The following ZNF804B variants were observed in gnomAD, a reference collection of about 807,000 sequenced individuals.
ZNF804B encodes the protein zinc finger 804B.
Under a neutral mutation model 101.4 loss-of-function variants are expected in ZNF804B, and 80 were observed. The observed-to-expected ratio is 0.79, with a 90% CI of 0.66 to 0.95. The LOEUF (loss-of-function observed/expected upper bound fraction) is 0.95. ZNF804B is among the 40% of genes least tolerant of loss of function. ZNF804B has a pLI of 0.00. For missense variants in ZNF804B, 1,673 were observed against 1,561.9 expected, an observed-to-expected ratio of 1.07 and a Z score of -1.20; for synonymous variants, 622 against 558.8, an observed-to-expected ratio of 1.11 and a Z score of -1.59.
At chr7:88,980,154 A>C (rs1168108713) in intron 1 of ZNF804B, among the ~76,000 whole-genome samples, 2 of 151,690 alleles carry the variant, frequency 1.3e-5, no homozygotes, top group Non-Finnish European at 2.9e-5. Flanking sequence ...TGATTCTTTT[A>C]GGTTATTTTA....
chr7:89,092,585 G>A (rs1789910439), intron 1 of ZNF804B, among the ~76,000 whole-genome samples: 1 of 151,438 alleles, frequency 6.6e-6, no homozygotes, highest in African/African-American at 2.4e-5. Flanking sequence ...GCTAATTTGT[G>A]CATTTTTAGC....
intron 1 of ZNF804B, among the ~76,000 whole-genome samples, chr7:89,091,919 G>GT (rs199742999): frequency 3.1e-3 from 465 of 151,646 alleles, no homozygotes; most frequent in Middle Eastern, 0.01. Context: ...CTTATGCACA[G>GT]TTTTTTTTTA....
At chr7:89,014,506 C>G (rs553545152) in intron 1 of ZNF804B, among the ~76,000 whole-genome samples, 1 of 152,062 alleles carries the variant, frequency 6.6e-6, no homozygotes, top group Non-Finnish European at 1.5e-5. Flanking sequence ...TTAGTAGAGA[C>G]GGGGTTTCAC....
chr7:89,248,487 GA>G (rs1160962625), intron 2 of ZNF804B, among the ~76,000 whole-genome samples: 1 of 81,286 alleles, frequency 1.2e-5, no homozygotes, highest in Non-Finnish European at 2.7e-5. Flanking sequence ...AAAAAAGAAA[GA>G]AAGAAGGAAT....
intron 1 of ZNF804B, among the ~76,000 whole-genome samples, chr7:88,920,358 C>G (rs1792702794): frequency 6.6e-6 from 1 of 151,986 alleles, no homozygotes. Context: ...TGATTTTATA[C>G]TAATTTACCT....
chr7:89,262,729 A>G (rs537410745), intron 2 of ZNF804B, among the ~76,000 whole-genome samples: 1 of 152,226 alleles, frequency 6.6e-6, no homozygotes, highest in Non-Finnish European at 1.5e-5. Flanking sequence ...AGTCTATATA[A>G]TTAGAGTTTG....
intron 1 of ZNF804B, among the ~76,000 whole-genome samples, chr7:88,942,523 TGTGTGTG>T (rs1562839163): frequency 3.3e-5 from 5 of 150,748 alleles, no homozygotes; most frequent in African/African-American, 4.9e-5. Context: ...TGTGTGTGTG[TGTGTGTG>T]TTTTGCATTG....
intron 1 of ZNF804B, among the ~76,000 whole-genome samples, chr7:89,109,201 A>G (rs1294325851): frequency 6.6e-6 from 1 of 152,184 alleles, no homozygotes; most frequent in Admixed American, 6.5e-5. Flanking sequence ...TGTTTAATTT[A>G]CCAACCTATT....
intron 1 of ZNF804B, among the ~76,000 whole-genome samples, chr7:88,797,567 G>A (rs1015290257): frequency 6.6e-6 from 1 of 152,116 alleles, no homozygotes; most frequent in Non-Finnish European, 1.5e-5. Flanking sequence ...AGGCAATGGT[G>A]TGATTTGTTA....
chr7:88,768,785 C>G (rs1790021440), intron 1 of ZNF804B, among the ~76,000 whole-genome samples: 1 of 152,112 alleles, frequency 6.6e-6, no homozygotes. Flanking sequence ...TATATTATAC[C>G]TAAATGTATT....
chr7:88,917,318 T>A (rs1012616456), intron 1 of ZNF804B, among the ~76,000 whole-genome samples: 6 of 152,256 alleles, frequency 3.9e-5, no homozygotes, highest in African/African-American at 1.4e-4. Context: ...CTGAACCATG[T>A]TGAATGTAAT....
intron 1 of ZNF804B, among the ~76,000 whole-genome samples, chr7:89,167,771 A>G (rs1053975312): frequency 6.6e-6 from 1 of 152,162 alleles, no homozygotes; most frequent in Non-Finnish European, 1.5e-5. Flanking sequence ...CTAAAATCTC[A>G]AACAGAAAAA....
intron 1 of ZNF804B, among the ~76,000 whole-genome samples, chr7:89,159,420 A>G (rs971794819): frequency 6.6e-6 from 1 of 152,104 alleles, no homozygotes; most frequent in Admixed American, 6.6e-5. Context: ...TTTTAGTACT[A>G]TGATCTTGGA....
rs186081483 is a variant in ZNF804B, at chr7:89,170,963, C to T, written c.109-47192C>T. On this transcript the variant is annotated intron_variant, in intron 1 of 3. Transcript: ENST00000333190. ...CAGCCCCAAAACAAACATCTCCTGG[C>T]CTTGCATTATTTACCCAGAAAAATC... 2.6e-5 allele frequency among the ~76,000 whole-genome samples: 4 copies of T among 152,280 alleles called. No homozygotes were observed. In the East Asian group the frequency reaches 7.7e-4, roughly 29 times the overall value.
intron 1 of ZNF804B, among the ~76,000 whole-genome samples, chr7:88,800,930 T>C (rs1017549425): frequency 3.9e-5 from 6 of 152,084 alleles, no homozygotes; most frequent in Non-Finnish European, 7.4e-5. Flanking sequence ...CCCAAGAATT[T>C]GCATTTTTGA....
chr7:88,948,836 A>C (rs962555967), intron 1 of ZNF804B, among the ~76,000 whole-genome samples: 3 of 151,804 alleles, frequency 2.0e-5, no homozygotes, highest in Non-Finnish European at 4.4e-5. Flanking sequence ...TTACCAATTT[A>C]TATTTTAGGT....
intron 1 of ZNF804B, among the ~76,000 whole-genome samples, chr7:88,977,428 T>C (rs1442278885): frequency 6.6e-6 from 1 of 151,644 alleles, no homozygotes; most frequent in Non-Finnish European, 1.5e-5. Flanking sequence ...TTACTACTTG[T>C]TATTGGTCTG....
At chr7:89,053,846 A>G (rs373512921) in intron 1 of ZNF804B, among the ~76,000 whole-genome samples, 8 of 152,164 alleles carry the variant, frequency 5.3e-5, no homozygotes, top group African/African-American at 1.9e-4. Flanking sequence ...TGAAAATTGT[A>G]GGCAGAAATT....
intron 1 of ZNF804B, among the ~76,000 whole-genome samples, chr7:89,199,025 C>A (rs1788594282): frequency 6.6e-6 from 1 of 151,834 alleles, no homozygotes; most frequent in African/African-American, 2.4e-5. Flanking sequence ...GATTAAGTGT[C>A]TGGCTGAGGC....
Sources: allele counts gnomAD v4.1 joint callset (sites outside exome capture counted in the v4.1 genomes callset), GRCh38; gene constraint gnomAD v4.1.1; transcripts MANE v1.5; gene names NCBI Gene and HGNC (gene_info 2026-07-23, HGNC 2026-07-21).